ZNF511: variants seen among roughly 807,000 people sequenced by gnomAD.
ZNF511 encodes zinc finger protein 511.
ZNF511 carries 26 observed loss-of-function variants against 24.8 expected under a neutral mutation model. The observed-to-expected ratio is 1.05, with a 90% CI of 0.77 to 1.46. The LOEUF is 1.46. Ranked by LOEUF, ZNF511 falls within the 40% of genes most tolerant of loss-of-function variation. The pLI is 0.00. For synonymous variants in ZNF511, 144 were observed against 139.6 expected, an observed-to-expected ratio of 1.03 and a Z score of -0.22; for missense variants, 358 against 345.0, an observed-to-expected ratio of 1.04 and a Z score of -0.30.
At chr10:133,310,605 G>A (rs1194756470) in intron 4 of ZNF511, 4 of 371,104 alleles carry the variant, frequency 1.1e-5, no homozygotes, top group Admixed American at 8.5e-5. Context: ...ACCTCCTGCA[G>A]CAGTCGGCCG....
rs1023116106 is a variant in ZNF511, at chr10:133,309,160, G to A, written c.153+64G>A. The A allele has an allele frequency of 3.6e-6, 5 of 1,378,594 alleles. No individual in the cohort carries two copies. The African/African-American group carries it at 6.1e-5, about 17-fold the overall frequency. The allele number at this position is 1,378,594 out of a possible 1,614,324, so 85.4% of individuals were successfully genotyped here. ...CAGTGGGGCCTACGGCGGCGAGGCGGGGCCGGAGCCTGGAGTGGGAGGGGC... is the reference window on the plus strand; with the variant it reads ...CAGTGGGGCCTACGGCGGCGAGGCGAGGCCGGAGCCTGGAGTGGGAGGGGC... On this transcript the variant is annotated intron_variant, in intron 1 of 5. Transcript: ENST00000361518.
In ZNF511 at chr10:133,312,874, A is replaced by T. The variant is rs765508950; in HGVS notation, c.*8A>T. ...AAAACCAAACAATGCTGATAGACTC[A>T]GAAAAGGAGTGGGGGGCAGTCACCA... On this transcript the variant is annotated 3_prime_UTR_variant, in exon 6 of 6. Coordinates refer to ENST00000361518, the MANE Select transcript of ZNF511 (RefSeq NM_145806.4). 2 of 1,614,156 alleles carry T rather than the reference A, an allele frequency of 1.2e-6. No individual in the cohort carries two copies. The highest frequency in any genetic ancestry group is 1.1e-5 in the South Asian group (1 of 91,090).
intron 2 of ZNF511, 130 bp from the exon 3 acceptor site, chr10:133,309,638 TAATTCATA>T: frequency 3.1e-6 from 4 of 1,271,056 alleles, no homozygotes; most frequent in Non-Finnish European, 4.4e-6. Context: ...TTGTGAAACT[TAATTCATA>T]AAAAGAGGGT....
Position 133,311,777 on chromosome 10 carries a change from A to G in ZNF511, c.616A>G (p.Ile206Val). 2 of 1,613,746 alleles carry G rather than the reference A, an allele frequency of 1.2e-6. No individual in the cohort carries two copies. The highest frequency in any genetic ancestry group is 1.7e-6 in the Non-Finnish European group (2 of 1,180,032). The change falls in exon 5 of 6, where the codon ATC becomes GTC. Residue 206 changes from isoleucine to valine, a missense_variant. Ile to Val is a conservative substitution (Grantham distance 29). Coordinates refer to ENST00000361518, the MANE Select transcript of ZNF511 (RefSeq NM_145806.4). ...GCGGTCAGAAGGGGAGGCCATGGAA[A>G]TCTGCTCTGAGCCTGTGGCAGCCTC... ...GERSEGEAME[I>V]CSEPVAASPA...
chr10:133,309,716 A>G, intron 2 of ZNF511, 60 bp from the exon 3 acceptor site: 1 of 1,590,586 alleles, frequency 6.3e-7, no homozygotes, highest in Non-Finnish European at 8.6e-7. Flanking sequence ...AACTGTGCAG[A>G]AAGTCCAGCT....
In ZNF511 at chr10:133,309,736, G is replaced by C. The variant is rs150729578; in HGVS notation, c.228-40G>C. The C allele has an allele frequency of 6.5e-4, 1,037 of 1,607,268 alleles. 7 individuals carry two copies. In the African/African-American group the frequency reaches 0.012, roughly 19 times the overall value. ...TGCAGAAAGTCCAGCTTGGTTCCTCGCACCGGAGGAAGGGCTCCTGAAGCA... is the reference window on the plus strand; with the variant it reads ...TGCAGAAAGTCCAGCTTGGTTCCTCCCACCGGAGGAAGGGCTCCTGAAGCA... On this transcript the variant is annotated intron_variant, in intron 2 of 5. Coordinates refer to ENST00000361518, the MANE Select transcript of ZNF511 (RefSeq NM_145806.4).
chr10:133,308,963 T>C lies in ZNF511; in HGVS notation c.20T>C (p.Leu7Pro). MQLPPA[L>P]CARLAAGPGA... ...GGGGTGATGCAGTTGCCCCCCGCGC[T>C]GTGCGCCCGCCTCGCTGCGGGGCCC... Residue 7 changes from leucine (L) to proline (P), a missense_variant, in exon 1 of 6, where the codon CTG (leucine) becomes CCG (proline). Leu to Pro is a moderately conservative substitution (Grantham distance 98). Coordinates refer to ENST00000361518, the MANE Select transcript of ZNF511 (RefSeq NM_145806.4). 1 of 1,240,496 alleles carries C rather than the reference T, an allele frequency of 8.1e-7. No individual in the cohort carries two copies. The highest frequency in any genetic ancestry group is 3.1e-4 in the Middle Eastern group (1 of 3,186). 76.8% of individuals were successfully genotyped at this position (1,240,496 alleles called of 1,614,324 possible).
intron 5 of ZNF511, 102 bp from the exon 6 acceptor site, chr10:133,312,686 C>T: frequency 2.5e-6 from 4 of 1,578,642 alleles, no homozygotes; most frequent in Non-Finnish European, 3.5e-6. Flanking sequence ...TCCGCATGTT[C>T]CCAGAGTGAA....
intron 4 of ZNF511, 81 bp from the exon 5 acceptor site, chr10:133,311,635 C>T: frequency 8.0e-7 from 1 of 1,244,434 alleles, no homozygotes; most frequent in Non-Finnish European, 1.1e-6. Flanking sequence ...AATCCAGTTT[C>T]TTTCTTGCAT....
chr10:133,312,956 T>G lies in ZNF511; in HGVS notation c.*90T>G. ...CTCCGACCTTCTGGTGTGGCCGCCC[T>G]GGGGGCCAGGCCCTCGCCATCCTCC... On this transcript the variant is annotated 3_prime_UTR_variant, in exon 6 of 6. Transcript: ENST00000361518. 3 of 1,596,096 alleles carry G rather than the reference T, an allele frequency of 1.9e-6. No homozygotes were observed. The highest frequency in any genetic ancestry group is 2.6e-6 in the Non-Finnish European group (3 of 1,171,168).
chr10:133,310,108 C>T (rs1370921741), intron 3 of ZNF511, 56 bp from the exon 4 acceptor site: 3 of 1,611,774 alleles, frequency 1.9e-6, no homozygotes, highest in Admixed American at 1.7e-5. Context: ...GCTACGGGGG[C>T]ATGGCGGTGG....
At chr10:133,311,130 C>T (rs1014311435) in intron 4 of ZNF511, among the ~76,000 whole-genome samples, 2 of 152,130 alleles carry the variant, frequency 1.3e-5, no homozygotes, top group Admixed American at 1.3e-4. Context: ...TGTTATATTT[C>T]TTCTTTTTTT....
At position 133,312,162 on chromosome 10, in the gene ZNF511, ATCACCTGTGCCGTCTGCGTTTCTAGCG is replaced by A. The variant is rs1193451546; in HGVS notation, c.680+366_680+392del. 2.1e-3 allele frequency: 2,785 copies of A among 1,335,912 alleles called. 86 individuals carry two copies. The East Asian group carries it at 0.042, about 20-fold the overall frequency. The allele number at this position is 1,335,912 out of a possible 1,614,324, so 82.8% of individuals were successfully genotyped here. A position where few individuals can be genotyped will look rare whatever the true frequency, so the allele number is the denominator to read the frequency against. ...CAACCCAGGCGTCTGCCTTAATAGC[ATCACCTGTGCCGTCTGCGTTTCTAGCG>A]TCACCTGTGCCGTCTGCGTTTCTAG... On this transcript the variant is annotated intron_variant, in intron 5 of 5. Coordinates refer to ENST00000361518, the MANE Select transcript of ZNF511 (RefSeq NM_145806.4).
At chr10:133,310,077 C>G (rs1311190875) in intron 3 of ZNF511, 87 bp from the exon 4 acceptor site, 1 of 1,609,974 alleles carries the variant, frequency 6.2e-7, no homozygotes, top group Non-Finnish European at 8.5e-7. Context: ...CCGGGGACAC[C>G]TTTCCGCCCT....
At chr10:133,310,110 T>C (rs2136152138) in intron 3 of ZNF511, 54 bp from the exon 4 acceptor site, 1 of 1,612,056 alleles carries the variant, frequency 6.2e-7, no homozygotes, top group East Asian at 2.2e-5. Context: ...TACGGGGGCA[T>C]GGCGGTGGGG....
At position 133,309,815 on chromosome 10, in the gene ZNF511, G is replaced by C. The variant is rs1161282687; in HGVS notation, c.267G>C (p.Gln89His). 6.2e-7 allele frequency: 1 copy of C among 1,613,558 alleles called. No individual in the cohort carries two copies. Among genetic ancestry groups the C allele is most frequent in the Non-Finnish European group, 8.5e-7 (1 of 1,180,034 alleles). Residue 89 changes from glutamine to histidine, a missense_variant, in exon 3 of 6, where the codon CAG becomes CAC. Physicochemically the swap from Gln to His is conservative, Grantham distance 24. Coordinates refer to ENST00000361518, the MANE Select transcript of ZNF511 (RefSeq NM_145806.4). ...AFACQVAGCC[Q>H]VFDALDDYEH... ...CCTGCCAGGTGGCCGGCTGCTGCCA[G>C]GTGTTCGATGCCCTGGACGACTACG...
intron 5 of ZNF511, chr10:133,312,116 C>T: frequency 1.4e-6 from 2 of 1,441,514 alleles, no homozygotes; most frequent in South Asian, 1.5e-5. Context: ...GAAAGAGTCT[C>T]ACTTGCAGTT....
In ZNF511 at chr10:133,308,947, C is replaced by A. The variant is rs1847907329; in HGVS notation, c.4C>A (p.Gln2Lys). The change falls in exon 1 of 6, where the codon CAG (glutamine) becomes AAG (lysine). Residue 2 changes from glutamine (Q) to lysine (K), a missense_variant. Transcript: ENST00000361518. M[Q>K]LPPALCARLA... ...GCGCCCGCCCGCGCCCGGGGTGATG[C>A]AGTTGCCCCCCGCGCTGTGCGCCCG... The A allele has an allele frequency of 6.5e-5, 80 of 1,231,762 alleles. No homozygotes were observed. The East Asian group carries it at 2.6e-3, about 40-fold the overall frequency. The allele number at this position is 1,231,762 out of a possible 1,614,324, so 76.3% of individuals were successfully genotyped here. A position where few individuals can be genotyped will look rare whatever the true frequency, so the allele number is the denominator to read the frequency against.
At chr10:133,312,309 G>A (rs886528418) in intron 5 of ZNF511, 319 of 1,200,812 alleles carry the variant, frequency 2.7e-4, no homozygotes, top group East Asian at 3.6e-4. Flanking sequence ...CACCTGTGCC[G>A]TCTGCCTTTC....
Sources: gnomAD v4.1 joint callset for allele counts (sites outside exome capture counted in the v4.1 genomes callset) on GRCh38, gnomAD v4.1.1 for gene constraint, MANE v1.5 for transcripts, NCBI Gene and HGNC (gene_info 2026-07-23, HGNC 2026-07-21) for gene names.